Variants in PLPPR1 observed in about 807,000 individuals in gnomAD.
PLPPR1 encodes the protein phospholipid phosphatase-related protein type 1.
Under a neutral mutation model 33.1 loss-of-function variants are expected in PLPPR1, and 10 were observed. The ratio of observed to expected loss-of-function variants is 0.30; its 90% CI spans 0.19 to 0.51. The LOEUF (loss-of-function observed/expected upper bound fraction) is 0.51. Ranked by LOEUF, PLPPR1 falls within the 20% of genes least tolerant of loss-of-function variation. The pLI is 0.97. For missense variants in PLPPR1, 304 were observed against 408.1 expected (o/e 0.74, Z 2.20); for synonymous variants, 151 against 151.0 (o/e 1.00, Z 0.00).
intron 7 of PLPPR1, among the ~76,000 whole-genome samples, chr9:101,320,696 G>C (rs1050008905): frequency 2.6e-5 from 4 of 152,190 alleles, no homozygotes; most frequent in African/African-American, 9.7e-5. Context: ...TGGATAGTTA[G>C]AAAGATAAAC....
At chr9:101,133,716 A>AG (rs775359370) in intron 1 of PLPPR1, among the ~76,000 whole-genome samples, 5 of 152,206 alleles carry the variant, frequency 3.3e-5, no homozygotes, top group Admixed American at 1.3e-4. Flanking sequence ...CACTAGAAAG[A>AG]GGATGACTGT....
At position 101,283,539 on chromosome 9, in the gene PLPPR1, AC is replaced by A. The variant is rs1439228091; in HGVS notation, c.253-2563del. Among the ~76,000 whole-genome samples the A allele has an allele frequency of 3.9e-5, 6 of 152,322 alleles. No individual in the cohort carries two copies. The South Asian group carries it at 8.3e-4, about 21-fold the overall frequency. On this transcript the variant is annotated intron_variant, in intron 3 of 7. Coordinates refer to ENST00000374874, the MANE Select transcript of PLPPR1 (RefSeq NM_207299.2). ...AATGGATTAAATACTTAATTGTAAT[AC>A]CTAAAGCAATGAGGTCTTACATAGA... is the stretch of plus-strand genomic sequence containing the variant.
At chr9:101,029,873 C>T (rs1829921878) in intron 1 of PLPPR1, among the ~76,000 whole-genome samples, 1 of 152,228 alleles carries the variant, frequency 6.6e-6, no homozygotes, top group African/African-American at 2.4e-5. Flanking sequence ...GCTGCTGCGG[C>T]GGCGGCAGTG....
At chr9:101,099,330 T>A (rs1830865837) in intron 1 of PLPPR1, among the ~76,000 whole-genome samples, 1 of 152,176 alleles carries the variant, frequency 6.6e-6, no homozygotes, top group East Asian at 1.9e-4. Flanking sequence ...GATCCTGTGA[T>A]GAGCCACTTG....
chr9:101,106,468 A>T (rs1381635985), intron 1 of PLPPR1, among the ~76,000 whole-genome samples: 1 of 116,350 alleles, frequency 8.6e-6, no homozygotes, highest in Non-Finnish European at 1.7e-5. Flanking sequence ...AGAATGTTGA[A>T]TATTGGCCCC....
At chr9:101,209,420 G>C (rs1826648659) in intron 2 of PLPPR1, among the ~76,000 whole-genome samples, 1 of 152,226 alleles carries the variant, frequency 6.6e-6, no homozygotes, top group African/African-American at 2.4e-5. Flanking sequence ...ATTGTGGAAT[G>C]AATGAAACAC....
chr9:101,235,100 G>A (rs182803882), intron 2 of PLPPR1, among the ~76,000 whole-genome samples: 86 of 151,872 alleles, frequency 5.7e-4, no homozygotes, highest in Admixed American at 2.0e-3. Context: ...ATTTTTGATG[G>A]TATTTAACAA....
chr9:101,169,591 G>A (rs955986002), intron 1 of PLPPR1, among the ~76,000 whole-genome samples: 14 of 151,888 alleles, frequency 9.2e-5, no homozygotes, highest in African/African-American at 3.1e-4. Context: ...CATCATTCTT[G>A]TTCTTATTGT....
chr9:101,307,636 C>T lies in PLPPR1; in HGVS notation c.386-1575C>T, dbSNP rs138250709. Among the ~76,000 whole-genome samples the T allele has an allele frequency of 6.1e-3, 923 of 152,310 alleles. 7 individuals carry two copies. The highest frequency in any genetic ancestry group is 8.7e-3 in the Non-Finnish European group (595 of 68,012). The stretch of plus-strand genomic sequence containing the variant: ...AAGGCCACAAAAAGAAAGATGATGG[C>T]AATCAGCACAGATACAAATGAAAAC... On this transcript the variant is annotated intron_variant, in intron 4 of 7. Transcript: ENST00000374874.
intron 2 of PLPPR1, among the ~76,000 whole-genome samples, chr9:101,198,295 A>G (rs1251012434): frequency 6.6e-6 from 1 of 152,134 alleles, no homozygotes; most frequent in Admixed American, 6.5e-5. Flanking sequence ...TGATAAAAGC[A>G]TAGACTCTTA....
intron 1 of PLPPR1, among the ~76,000 whole-genome samples, chr9:101,136,715 A>G (rs1831381839): frequency 6.6e-6 from 1 of 152,198 alleles, no homozygotes; most frequent in Non-Finnish European, 1.5e-5. Context: ...TGAGAAATTG[A>G]ACGTGGTTAC....
rs550320997 is a variant in PLPPR1, at chr9:101,300,051, G to T, written c.386-9160G>T. Among the ~76,000 whole-genome samples the T allele has an allele frequency of 3.3e-5, 5 of 150,806 alleles. No individual in the cohort carries two copies. The East Asian group carries it at 5.8e-4, about 17-fold the overall frequency. Reference sequence around the variant, plus strand: ...CTTTTAAGAAGTTATACAATATCTTGCATAACAAAAATATTCATATAACAA... The same window carrying T: ...CTTTTAAGAAGTTATACAATATCTTTCATAACAAAAATATTCATATAACAA... On this transcript the variant is annotated intron_variant, in intron 4 of 7. Transcript: ENST00000374874.
intron 2 of PLPPR1, among the ~76,000 whole-genome samples, chr9:101,257,743 T>C (rs1827828089): frequency 6.6e-6 from 1 of 152,274 alleles, no homozygotes; most frequent in East Asian, 1.9e-4. Context: ...GCATCAAATA[T>C]ATCACAAAAC....
intron 1 of PLPPR1, among the ~76,000 whole-genome samples, chr9:101,116,062 G>A (rs1376783123): frequency 3.3e-5 from 5 of 152,156 alleles, no homozygotes; most frequent in African/African-American, 4.8e-5. Context: ...AAATCCAAAT[G>A]CGGTTCTGTG....
At chr9:101,046,554 C>G (rs1830150198) in intron 1 of PLPPR1, among the ~76,000 whole-genome samples, 1 of 151,482 alleles carries the variant, frequency 6.6e-6, no homozygotes, top group South Asian at 2.1e-4. Flanking sequence ...ATTCTCCTGC[C>G]TCAGCCTCCC....
chr9:101,090,017 A>G, intron 1 of PLPPR1, among the ~76,000 whole-genome samples: 1 of 152,174 alleles, frequency 6.6e-6, no homozygotes, highest in Non-Finnish European at 1.5e-5. Context: ...TGAAACCTGT[A>G]GGGGAAGGAT....
chr9:101,309,278 C>A lies in PLPPR1; in HGVS notation c.453C>A (p.His151Gln). 6.2e-7 allele frequency: 1 copy of A among 1,614,184 alleles called. No homozygotes were observed. The highest frequency in any genetic ancestry group is 1.1e-5 in the South Asian group (1 of 91,084). ...FVNAGQVVTGHLTPYFLTVCK... is the reference protein window; with the variant it reads ...FVNAGQVVTGQLTPYFLTVCK... ...ACGCCGGACAAGTGGTCACTGGGCA[C>A]TTAACGCCATACTTCCTGACTGTGT... Residue 151 changes from histidine (H) to glutamine (Q), a missense_variant, in exon 5 of 8, where the codon CAC becomes CAA. His to Gln is a conservative substitution (Grantham distance 24). Coordinates refer to ENST00000374874, the MANE Select transcript of PLPPR1 (RefSeq NM_207299.2).
intron 2 of PLPPR1, among the ~76,000 whole-genome samples, chr9:101,233,472 G>A (rs1195324748): frequency 1.3e-5 from 2 of 151,944 alleles, no homozygotes; most frequent in East Asian, 3.9e-4. Context: ...GATGGGAGTT[G>A]TCATGGCTTT....
intron 2 of PLPPR1, among the ~76,000 whole-genome samples, chr9:101,198,413 C>T (rs181680530): frequency 6.5e-4 from 99 of 152,300 alleles, no homozygotes; most frequent in Non-Finnish European, 1.1e-3. Flanking sequence ...TGATTATTAA[C>T]GGAGTCACAA....
Sources: gnomAD v4.1 joint callset for allele counts (sites outside exome capture counted in the v4.1 genomes callset) on GRCh38, gnomAD v4.1.1 for gene constraint, MANE v1.5 for transcripts, NCBI Gene and HGNC (gene_info 2026-07-23, HGNC 2026-07-21) for gene names.